Variants in PTPRG observed in about 807,000 individuals in gnomAD.
The protein encoded by PTPRG is protein tyrosine phosphatase receptor type G, also known as receptor-type tyrosine-protein phosphatase gamma.
A neutral mutation model predicts 165.3 loss-of-function variants in PTPRG; 102 were observed. The ratio of observed to expected loss-of-function variants is 0.62; its 90% CI spans 0.53 to 0.73. The LOEUF is 0.73. Ranked by LOEUF, PTPRG falls within the 30% of genes least tolerant of loss-of-function variation. PTPRG has a pLI of 0.00. For synonymous variants in PTPRG, 675 were observed against 669.5 expected (o/e 1.01, Z -0.13); for missense variants, 1,866 against 1,861.4 (o/e 1.00, Z -0.05).
intron 1 of PTPRG, among the ~76,000 whole-genome samples, chr3:61,680,552 T>G (rs1366403631): frequency 1.5e-5 from 2 of 130,604 alleles, no homozygotes; most frequent in African/African-American, 5.6e-5. Context: ...TGGCAAAATA[T>G]GTGGGTGACC....
chr3:62,104,663 A>C (rs949906746), intron 5 of PTPRG, among the ~76,000 whole-genome samples: 1 of 152,180 alleles, frequency 6.6e-6, no homozygotes, highest in African/African-American at 2.4e-5. Flanking sequence ...TAAATAGTGG[A>C]CTTGAGCTTA....
At chr3:62,192,772 C>T (rs960251150) in intron 9 of PTPRG, among the ~76,000 whole-genome samples, 1 of 152,048 alleles carries the variant, frequency 6.6e-6, no homozygotes, top group Non-Finnish European at 1.5e-5. Context: ...GTTTGAAAGC[C>T]TTGCGTTTAT....
At chr3:61,756,216 A>G (rs1055639919) in intron 2 of PTPRG, among the ~76,000 whole-genome samples, 1 of 152,200 alleles carries the variant, frequency 6.6e-6, no homozygotes, top group Non-Finnish European at 1.5e-5. Flanking sequence ...TTTAGAGTTC[A>G]TGCTCTTTGA....
At chr3:61,779,519 T>G (rs1297219623) in intron 2 of PTPRG, among the ~76,000 whole-genome samples, 1 of 152,092 alleles carries the variant, frequency 6.6e-6, no homozygotes, top group East Asian at 1.9e-4. Context: ...GGTGAGCCTT[T>G]TTTTGCAGTC....
intron 2 of PTPRG, among the ~76,000 whole-genome samples, chr3:61,871,804 C>A (rs545918931): frequency 1.3e-5 from 2 of 152,212 alleles, no homozygotes; most frequent in East Asian, 1.9e-4. Flanking sequence ...CCAGGCAACA[C>A]GGCCTGCTTG....
intron 1 of PTPRG, among the ~76,000 whole-genome samples, chr3:61,725,972 C>T (rs1475893510): frequency 4.6e-5 from 7 of 152,166 alleles, no homozygotes; most frequent in Admixed American, 3.9e-4. Context: ...GTGGTATCAA[C>T]AAAGCTGGGT....
chr3:62,051,049 G>C (rs772146462), intron 4 of PTPRG, among the ~76,000 whole-genome samples: 1 of 152,266 alleles, frequency 6.6e-6, no homozygotes, highest in East Asian at 1.9e-4. Context: ...TTACTAAGTG[G>C]CGGTCAAGTC....
intron 1 of PTPRG, among the ~76,000 whole-genome samples, chr3:61,620,230 T>C (rs538991511): frequency 6.6e-6 from 1 of 152,304 alleles, no homozygotes; most frequent in East Asian, 1.9e-4. Context: ...TTACATTTTG[T>C]AGCTTGTGTG....
At chr3:61,677,492 C>G (rs1313194942) in intron 1 of PTPRG, among the ~76,000 whole-genome samples, 1 of 152,182 alleles carries the variant, frequency 6.6e-6, no homozygotes, top group Non-Finnish European at 1.5e-5. Flanking sequence ...TTAACCCTTT[C>G]AGTGGCTTGG....
chr3:61,971,214 G>A lies in PTPRG; in HGVS notation c.191-18411G>A, dbSNP rs78737103. ...TTACAGGCATCTGCCAACCATGTCCGGCTAATTTTTTTGTATTTTTAGTAG... is the reference window on the plus strand; with the variant it reads ...TTACAGGCATCTGCCAACCATGTCCAGCTAATTTTTTTGTATTTTTAGTAG... On this transcript the variant is annotated intron_variant, in intron 2 of 29. Coordinates refer to ENST00000474889, the MANE Select transcript of PTPRG (RefSeq NM_002841.4). 1.3e-3 allele frequency among the ~76,000 whole-genome samples: 193 copies of A among 152,160 alleles called. 5 individuals are homozygous for A. In the East Asian group the frequency reaches 0.03, roughly 24 times the overall value.
At chr3:61,888,869 T>C (rs903487681) in intron 2 of PTPRG, among the ~76,000 whole-genome samples, 7 of 152,234 alleles carry the variant, frequency 4.6e-5, no homozygotes, top group African/African-American at 1.7e-4. Context: ...TCTTATGAAA[T>C]TGACATTTTG....
Position 61,561,655 on chromosome 3 carries a change from C to A in PTPRG, c.-633C>A, listed in dbSNP as rs536564658. Reference sequence around the variant, plus strand: ...CAGCCTGCGCCGGAGCCACAACTTTCAGGAGCATGGACTGAAGGCGCCCTC... The same window carrying A: ...CAGCCTGCGCCGGAGCCACAACTTTAAGGAGCATGGACTGAAGGCGCCCTC... On this transcript the variant is annotated 5_prime_UTR_variant, in exon 1 of 30. An upstream open reading frame in the 5' UTR gains an earlier in-frame stop. Transcript: ENST00000474889. 3.9e-5 allele frequency: 6 copies of A among 153,388 alleles called. No individual in the cohort carries two copies. Among genetic ancestry groups the A allele is most frequent in the East Asian group, 1.9e-4 (1 of 5,192 alleles). 9.5% of individuals were successfully genotyped at this position (153,388 alleles called of 1,614,324 possible). A position where few individuals can be genotyped will look rare whatever the true frequency, so the allele number is the denominator to read the frequency against.
chr3:61,932,014 CATTTTTT>C (rs1180030921), intron 2 of PTPRG, among the ~76,000 whole-genome samples: 1 of 152,154 alleles, frequency 6.6e-6, no homozygotes, highest in Admixed American at 6.5e-5. Flanking sequence ...TTTGTATTTT[CATTTTTT>C]ATTTTTTTAC....
At chr3:62,193,534 T>C (rs1296136590) in intron 9 of PTPRG, among the ~76,000 whole-genome samples, 1 of 152,204 alleles carries the variant, frequency 6.6e-6, no homozygotes, top group East Asian at 1.9e-4. Flanking sequence ...TCATGGTTAT[T>C]GTGGCCCAGA....
intron 2 of PTPRG, among the ~76,000 whole-genome samples, chr3:61,930,844 C>T (rs76407607): frequency 3.9e-5 from 6 of 152,096 alleles, no homozygotes; most frequent in Non-Finnish European, 5.9e-5. Flanking sequence ...TGGATCATCA[C>T]GAGGTCAGGA....
At chr3:61,759,780 A>G (rs750088795) in intron 2 of PTPRG, among the ~76,000 whole-genome samples, 10 of 152,074 alleles carry the variant, frequency 6.6e-5, no homozygotes, top group Non-Finnish European at 1.0e-4. Flanking sequence ...TTCACATAAT[A>G]AAGTCATTTC....
chr3:61,879,550 G>A (rs1041740348), intron 2 of PTPRG, among the ~76,000 whole-genome samples: 1 of 151,974 alleles, frequency 6.6e-6, no homozygotes, highest in South Asian at 2.1e-4. Context: ...ATTTTATTCA[G>A]TCATATGTTA....
chr3:61,660,602 G>T (rs1197007183), intron 1 of PTPRG, among the ~76,000 whole-genome samples: 2 of 152,168 alleles, frequency 1.3e-5, no homozygotes, highest in East Asian at 1.9e-4. Context: ...ACCTCATGGT[G>T]TTGGTATCAG....
At chr3:62,279,476 C>G (rs1207501354) in intron 26 of PTPRG, among the ~76,000 whole-genome samples, 2 of 152,050 alleles carry the variant, frequency 1.3e-5, no homozygotes, top group African/African-American at 4.8e-5. Context: ...TTTATTCCCA[C>G]TTTTCAGATC....
Sources: gnomAD v4.1 joint callset for allele counts (sites outside exome capture counted in the v4.1 genomes callset) on GRCh38, gnomAD v4.1.1 for gene constraint, MANE v1.5 for transcripts, NCBI Gene and HGNC (gene_info 2026-07-23, HGNC 2026-07-21) for gene names.